SPATC1: variants seen among roughly 807,000 people sequenced by gnomAD.
The protein encoded by SPATC1 is spermatogenesis and centriole associated 1, also known as speriolin.
Under a neutral mutation model 36.5 loss-of-function variants are expected in SPATC1, and 35 were observed. That is an observed-to-expected ratio of 0.96 (90% CI 0.73 to 1.27). SPATC1 has a LOEUF of 1.27. Ranked by LOEUF, SPATC1 falls within the 50% of genes most tolerant of loss-of-function variation. The pLI, the probability that SPATC1 is intolerant of heterozygous loss-of-function variation, is 0.00. For missense variants in SPATC1, 779 were observed against 796.0 expected (o/e 0.98, Z 0.26); for synonymous variants, 361 against 353.6 (o/e 1.02, Z -0.24).
At chr8:144,037,293 G>A (rs1372768408) in intron 1 of SPATC1, among the ~76,000 whole-genome samples, 1 of 151,018 alleles carries the variant, frequency 6.6e-6, no homozygotes, top group Non-Finnish European at 1.5e-5. Flanking sequence ...CCCTCTGCCC[G>A]GCCACCACCC....
chr8:144,046,805 C>G lies in SPATC1; in HGVS notation c.1625C>G (p.Ala542Gly). The change falls in exon 5 of 5, where the codon GCG becomes GGG. Residue 542 changes from alanine to glycine, a missense_variant. Coordinates refer to ENST00000377470, the MANE Select transcript of SPATC1 (RefSeq NM_198572.3). The surrounding 1 kb of genome is among the most constrained non-coding windows in gnomAD (Gnocchi z 6.6). ...ATCCTGCGAGAGCGCCCGGAGCTGG[C>G]GGCGTCTGAGGGCGGCCCCTACACC... ...YGILRERPEL[A>G]ASEGGPYTVD... 1 of 1,606,590 alleles carries G rather than the reference C, an allele frequency of 6.2e-7. No individual in the cohort carries two copies. Among genetic ancestry groups the G allele is most frequent in the Non-Finnish European group, 8.5e-7 (1 of 1,179,934 alleles).
Position 144,012,714 on chromosome 8 carries a change from C to T in SPATC1, c.199C>T (p.Arg67Cys), listed in dbSNP as rs1043014576. 67 of 1,551,558 alleles carry T rather than the reference C, an allele frequency of 4.3e-5. No homozygotes were observed. In the Admixed American group the frequency reaches 4.5e-4, roughly 10 times the overall value. ...TGAGGCAACAGCAGGCCTTTCCTCA[C>T]GCCAGAACAATGGTAAGAGGCCTCG... ...LGEATAGLSSRQNNGVFLPPS... is the reference protein window; with the variant it reads ...LGEATAGLSSCQNNGVFLPPS... The change falls in exon 1 of 5, where the codon CGC (arginine) becomes TGC (cysteine). Residue 67 changes from arginine to cysteine, a missense_variant. By Grantham distance (180) the Arg-to-Cys change is radical (BLOSUM62 -3). Coordinates refer to ENST00000377470, the MANE Select transcript of SPATC1 (RefSeq NM_198572.3).
intron 1 of SPATC1, among the ~76,000 whole-genome samples, chr8:144,026,947 C>A (rs1406548609): frequency 2.7e-5 from 4 of 148,186 alleles, no homozygotes; most frequent in Non-Finnish European, 6.0e-5. Context: ...ATAGCTGAGA[C>A]TACAGGCGCC....
chr8:144,046,962 G>T lies in SPATC1; in HGVS notation c.*6G>T, dbSNP rs782789654. The T allele has an allele frequency of 1.3e-6, 2 of 1,593,034 alleles. No individual in the cohort carries two copies. Among genetic ancestry groups the T allele is most frequent in the South Asian group, 1.1e-5 (1 of 90,460 alleles). ...AGCCCATGTTCATCTGGTGACGCTG[G>T]AGCTGGGAGGTCCAGGCTCGCTCAG... On this transcript the variant is annotated 3_prime_UTR_variant, in exon 5 of 5. Coordinates refer to ENST00000377470, the MANE Select transcript of SPATC1 (RefSeq NM_198572.3). The surrounding 1 kb of genome is among the most constrained non-coding windows in gnomAD (Gnocchi z 6.6).
Position 144,047,055 on chromosome 8 carries a change from T to TG in SPATC1, c.*99_*100insG. The TG allele has an allele frequency of 7.1e-7, 1 of 1,408,966 alleles. No homozygotes were observed. 87.3% of individuals were successfully genotyped at this position (1,408,966 alleles called of 1,614,324 possible). On this transcript the variant is annotated 3_prime_UTR_variant, in exon 5 of 5. Coordinates refer to ENST00000377470, the MANE Select transcript of SPATC1 (RefSeq NM_198572.3). The surrounding 1 kb of genome is among the most constrained non-coding windows in gnomAD (Gnocchi z 4.1). The stretch of plus-strand genomic sequence containing the variant: ...CTGGTCGCTGGGCCTGTGCCAGCGC[T>TG]CCTGGGTGGTGCTGCCTCCTCTGGG...
intron 1 of SPATC1, among the ~76,000 whole-genome samples, chr8:144,037,836 AAG>A (rs1244515134): frequency 6.6e-6 from 1 of 152,004 alleles, no homozygotes; most frequent in Non-Finnish European, 1.5e-5. Context: ...AAAAAAAAAA[AAG>A]AATGAATTTT....
chr8:144,019,041 CAAAAA>C (rs1212175839), intron 1 of SPATC1, among the ~76,000 whole-genome samples: 1 of 56,366 alleles, frequency 1.8e-5, no homozygotes, highest in African/African-American at 5.9e-5. Flanking sequence ...GACTCCGTCT[CAAAAA>C]AAAAAAAAAA....
intron 1 of SPATC1, among the ~76,000 whole-genome samples, chr8:144,031,324 T>C (rs1834788124): frequency 1.3e-5 from 2 of 152,160 alleles, no homozygotes; most frequent in Admixed American, 1.3e-4. Flanking sequence ...TTCAACAGCT[T>C]AAATATGTCA....
At chr8:144,043,300 T>A (rs545008404) in intron 4 of SPATC1, among the ~76,000 whole-genome samples, 3,277 of 127,518 alleles carry the variant, frequency 0.026, 135 homozygotes, top group African/African-American at 0.11. Context: ...CAGCCTTACA[T>A]TTTTTTTTTT....
rs1456635425 is a variant in SPATC1 at position 144,042,149 on chromosome 8, C to T, written c.1446+778C>T. The T allele has an allele frequency of 2.4e-5, 9 of 377,704 alleles. No individual in the cohort carries two copies. In the South Asian group the frequency reaches 9.8e-4, roughly 41 times the overall value. 23.4% of individuals were successfully genotyped at this position (377,704 alleles called of 1,614,324 possible). A position where few individuals can be genotyped will look rare whatever the true frequency, so the allele number is the denominator to read the frequency against. ...CCTCTCAATTCAAACGATTCTGCTG[C>T]CCCAGCCTCTTTTTTTGACACAGCC... On this transcript the variant is annotated intron_variant, in intron 4 of 4. Transcript: ENST00000377470.
intron 1 of SPATC1, among the ~76,000 whole-genome samples, chr8:144,032,193 C>G (rs1468950488): frequency 4.6e-5 from 7 of 152,112 alleles, no homozygotes; most frequent in African/African-American, 1.7e-4. Flanking sequence ...GATTTAGTTT[C>G]AAGTTTGTTG....
intron 1 of SPATC1, among the ~76,000 whole-genome samples, chr8:144,039,581 C>T (rs967320506): frequency 3.9e-5 from 6 of 152,134 alleles, no homozygotes; most frequent in Admixed American, 2.6e-4. Context: ...GAAAGGGCAG[C>T]GGGACGTCCC....
chr8:144,044,995 C>T (rs1835221032), intron 4 of SPATC1, among the ~76,000 whole-genome samples: 2 of 152,222 alleles, frequency 1.3e-5, no homozygotes, highest in African/African-American at 4.8e-5. Flanking sequence ...GATGTGAGTG[C>T]ACTGCCATCC....
chr8:144,042,089 CAACA>C, intron 4 of SPATC1: 1 of 832,782 alleles, frequency 1.2e-6, no homozygotes, highest in Non-Finnish European at 1.4e-6. Flanking sequence ...AAAGAGTACA[CAACA>C]GTGTATGTAC....
rs150277218 is a variant in SPATC1, at chr8:144,040,867, C to T, written c.1066C>T (p.His356Tyr). 31 of 1,587,932 alleles carry T rather than the reference C, an allele frequency of 2.0e-5. No individual in the cohort carries two copies. The highest frequency in any genetic ancestry group is 9.5e-5 in the African/African-American group (7 of 73,762). ...CAGCTACACACCCTCAAGCACCACC[C>T]ACATCGCCCAGGGTGCCCCCCATCC... is the stretch of plus-strand genomic sequence containing the variant. The part of the protein sequence containing the change: ...ATSYTPSSTT[H>Y]IAQGAPHPPS... Residue 356 changes from histidine (H) to tyrosine (Y), a missense_variant, in exon 3 of 5, where the codon CAC (histidine) becomes TAC (tyrosine). His to Tyr is a moderately conservative substitution (Grantham distance 83). Transcript: ENST00000377470.
At position 144,040,900 on chromosome 8, in the gene SPATC1, C is replaced by T. The variant is rs782584086; in HGVS notation, c.1099C>T (p.Arg367Ter). The T allele has an allele frequency of 2.0e-5, 32 of 1,590,870 alleles. No individual in the cohort carries two copies. The highest frequency in any genetic ancestry group is 1.2e-4 in the Admixed American group (7 of 58,674). Reference sequence around the variant, plus strand: ...CCAGGGTGCCCCCCATCCCCCTTCCCGAATGCATAATTCCCCAACCCAGAA... The same window carrying T: ...CCAGGGTGCCCCCCATCCCCCTTCCTGAATGCATAATTCCCCAACCCAGAA... ...IAQGAPHPPSRMHNSPTQNLP... is the reference protein window; with the variant it reads ...IAQGAPHPPS The change falls in exon 3 of 5, where the codon CGA becomes TGA. Residue 367 changes from arginine to a stop codon, truncating the protein, a stop_gained. Transcript: ENST00000377470. LOFTEE classifies it high-confidence loss of function.
At chr8:144,039,374 G>A (rs1834998333) in intron 1 of SPATC1, among the ~76,000 whole-genome samples, 1 of 152,228 alleles carries the variant, frequency 6.6e-6, no homozygotes, top group Admixed American at 6.5e-5. Context: ...ACAGGGCAGG[G>A]ACCATGCAAG....
At chr8:144,024,046 C>T (rs1457760287) in intron 1 of SPATC1, among the ~76,000 whole-genome samples, 8 of 150,984 alleles carry the variant, frequency 5.3e-5, no homozygotes, top group Admixed American at 2.6e-4. Context: ...CCTCTCCCCT[C>T]GGGACCACCT....
At chr8:144,023,954 C>G (rs1403086036) in intron 1 of SPATC1, among the ~76,000 whole-genome samples, 1 of 81,520 alleles carries the variant, frequency 1.2e-5, no homozygotes. Context: ...TCAGGACCCT[C>G]TTCCCTCAGG....
Sources: gnomAD v4.1 joint callset for allele counts (sites outside exome capture counted in the v4.1 genomes callset) on GRCh38, gnomAD v4.1.1 for gene constraint, Gnocchi (gnomAD v3.1) non-coding constraint, MANE v1.5 for transcripts, NCBI Gene and HGNC (gene_info 2026-07-23, HGNC 2026-07-21) for gene names.